The following EPHA6 variants were observed in gnomAD, a reference collection of about 807,000 sequenced individuals.
The protein encoded by EPHA6 is ephrin type-A receptor 6.
EPHA6 carries 50 observed loss-of-function variants against 112.0 expected under a neutral mutation model. The observed-to-expected ratio is 0.45, with a 90% CI of 0.36 to 0.56. EPHA6 has a LOEUF of 0.56. Among genes scored for constraint, EPHA6 ranks in the 20% least tolerant of loss-of-function variants. The pLI is 0.00. For missense variants in EPHA6, 1,280 were observed against 1,417.4 expected (o/e 0.90, Z 1.56); for synonymous variants, 529 against 490.7 (o/e 1.08, Z -1.03).
At chr3:97,296,417 A>T in intron 5 of EPHA6, among the ~76,000 whole-genome samples, 1 of 152,194 alleles carries the variant, frequency 6.6e-6, no homozygotes, top group East Asian at 1.9e-4. Flanking sequence ...GTACAGGCTA[A>T]GGTGGGCAGT....
intron 6 of EPHA6, among the ~76,000 whole-genome samples, chr3:97,419,859 G>C (rs1024030219): frequency 3.3e-5 from 5 of 152,116 alleles, no homozygotes; most frequent in African/African-American, 1.2e-4. Context: ...ACACTTAGAT[G>C]ACTGAAGTAA....
chr3:97,069,525 C>A (rs1291268648), intron 3 of EPHA6, among the ~76,000 whole-genome samples: 2 of 152,054 alleles, frequency 1.3e-5, no homozygotes, highest in African/African-American at 4.8e-5. Flanking sequence ...CATTACAATT[C>A]AAAAATGTGA....
chr3:97,398,761 A>C (rs889906651), intron 5 of EPHA6, among the ~76,000 whole-genome samples: 2 of 151,300 alleles, frequency 1.3e-5, no homozygotes, highest in Admixed American at 1.3e-4. Context: ...CTCTTTTTCC[A>C]CTCATTTTAT....
rs1181177509 is a variant in EPHA6, at chr3:97,543,975, C to T, written c.2386+11432C>T. Among the ~76,000 whole-genome samples the T allele has an allele frequency of 2.0e-5, 3 of 152,176 alleles. No individual in the cohort carries two copies. In the East Asian group the frequency reaches 5.8e-4, roughly 29 times the overall value. The stretch of plus-strand genomic sequence containing the variant: ...AGACTTTGCTGAAGTTGCTTATCAG[C>T]TTGTGGAGATTTTGGGCTCAGATGA... On this transcript the variant is annotated intron_variant, in intron 11 of 17. Coordinates refer to ENST00000389672, the MANE Select transcript of EPHA6 (RefSeq NM_001080448.3).
intron 5 of EPHA6, among the ~76,000 whole-genome samples, chr3:97,403,036 T>G (rs974039739): frequency 6.6e-6 from 1 of 152,136 alleles, no homozygotes; most frequent in Non-Finnish European, 1.5e-5. Context: ...ATAATGAGTT[T>G]ATAATGTAAC....
chr3:96,877,676 A>G (rs541918890), intron 2 of EPHA6, among the ~76,000 whole-genome samples: 1 of 143,944 alleles, frequency 6.9e-6, no homozygotes, highest in African/African-American at 2.6e-5. Flanking sequence ...ATCTGTATCC[A>G]TGCCATTAGT....
chr3:97,077,392 C>CTATA (rs56830256), intron 3 of EPHA6, among the ~76,000 whole-genome samples: 2 of 149,746 alleles, frequency 1.3e-5, no homozygotes, highest in Non-Finnish European at 1.5e-5. Context: ...CAGATGCAAT[C>CTATA]TATATATATA....
intron 3 of EPHA6, among the ~76,000 whole-genome samples, chr3:97,116,305 A>G (rs528466031): frequency 6.6e-6 from 1 of 151,846 alleles, no homozygotes; most frequent in Non-Finnish European, 1.5e-5. Flanking sequence ...TAAAATGATG[A>G]CCACAGTAAA....
chr3:97,408,486 T>A (rs2107095992), intron 6 of EPHA6, among the ~76,000 whole-genome samples: 1 of 152,214 alleles, frequency 6.6e-6, no homozygotes, highest in South Asian at 2.1e-4. Flanking sequence ...TCTTGCTTCT[T>A]TGTTATTTCA....
In EPHA6 at chr3:97,750,679, G is replaced by A. The variant is rs1368894896; in HGVS notation, c.*1978G>A. Among the ~76,000 whole-genome samples the A allele has an allele frequency of 2.0e-5, 3 of 151,940 alleles. No homozygotes were observed. Among genetic ancestry groups the A allele is most frequent in the African/African-American group, 7.3e-5 (3 of 41,362 alleles). Reference sequence around the variant, plus strand: ...CATTTTTTTCTTATATTTAGATTTTGTTGATCGTCCCATTATACTAGACCC... The same window carrying A: ...CATTTTTTTCTTATATTTAGATTTTATTGATCGTCCCATTATACTAGACCC... On this transcript the variant is annotated 3_prime_UTR_variant, in exon 18 of 18. Coordinates refer to ENST00000389672, the MANE Select transcript of EPHA6 (RefSeq NM_001080448.3).
In EPHA6 at chr3:97,759,012, A is replaced by C. The variant is rs2036092590; in HGVS notation, c.*10311A>C. ...ATATATATGCTATTTAAAGTTTGGA[A>C]ATCACCTAGGAAAAGCCTGTGGAGG... On this transcript the variant is annotated 3_prime_UTR_variant, in exon 18 of 18. Transcript: ENST00000389672. 6.6e-6 allele frequency among the ~76,000 whole-genome samples: 1 copy of C among 152,038 alleles called. No homozygotes were observed. Among genetic ancestry groups the C allele is most frequent in the Non-Finnish European group, 1.5e-5 (1 of 67,896 alleles).
In EPHA6 at chr3:97,650,358, G is replaced by A. The variant is rs535416174; in HGVS notation, c.2784+12276G>A. ...GATGTTAAGCATATGATGGAAAGTG[G>A]GGATTAATGCAATACCAAAGGAAAT... On this transcript the variant is annotated intron_variant, in intron 14 of 17. Coordinates refer to ENST00000389672, the MANE Select transcript of EPHA6 (RefSeq NM_001080448.3). Among the ~76,000 whole-genome samples the A allele has an allele frequency of 2.8e-4, 42 of 152,122 alleles. 1 individual carries two copies. In the South Asian group the frequency reaches 3.7e-3, roughly 14 times the overall value.
chr3:97,179,717 G>GTCTCTC (rs71113852), intron 3 of EPHA6, among the ~76,000 whole-genome samples: 4,856 of 119,040 alleles, frequency 0.041, 322 homozygotes, highest in African/African-American at 0.12. Flanking sequence ...AACCTACAGA[G>GTCTCTC]TCTCTCTCTC....
At chr3:97,432,912 T>C (rs2089602418) in intron 6 of EPHA6, among the ~76,000 whole-genome samples, 1 of 152,146 alleles carries the variant, frequency 6.6e-6, no homozygotes, top group Non-Finnish European at 1.5e-5. Context: ...ATGGGGATTA[T>C]AGGGATTACA....
At chr3:97,151,906 A>G (rs1367455425) in intron 3 of EPHA6, among the ~76,000 whole-genome samples, 1 of 152,012 alleles carries the variant, frequency 6.6e-6, no homozygotes, top group East Asian at 1.9e-4. Context: ...TAGTACTTTT[A>G]TATAATCATA....
chr3:96,879,894 G>T (rs1264187765), intron 2 of EPHA6, among the ~76,000 whole-genome samples: 1 of 151,994 alleles, frequency 6.6e-6, no homozygotes, highest in East Asian at 1.9e-4. Flanking sequence ...TCAAATACAA[G>T]AGTCTTTTGG....
At chr3:97,660,031 T>C (rs998867917) in intron 14 of EPHA6, among the ~76,000 whole-genome samples, 20 of 152,166 alleles carry the variant, frequency 1.3e-4, no homozygotes, top group Admixed American at 5.2e-4. Context: ...TAAGGAAATC[T>C]CAAGAACAGA....
chr3:96,894,416 C>A (rs921668528), intron 2 of EPHA6, among the ~76,000 whole-genome samples: 1 of 152,032 alleles, frequency 6.6e-6, no homozygotes, highest in Admixed American at 6.5e-5. Flanking sequence ...TCTCTCCAGA[C>A]AACTCTCTGA....
intron 12 of EPHA6, 106 bp downstream of exon 12, chr3:97,592,843 G>A (rs1164706511): frequency 8.1e-7 from 1 of 1,232,562 alleles, no homozygotes; most frequent in Non-Finnish European, 1.1e-6. Context: ...ATATATTGTG[G>A]AAAAGAAATG....
Sources: allele counts gnomAD v4.1 joint callset (sites outside exome capture counted in the v4.1 genomes callset), GRCh38; gene constraint gnomAD v4.1.1; transcripts MANE v1.5; gene names NCBI Gene and HGNC (gene_info 2026-07-23, HGNC 2026-07-21).